The following PROCR variants were observed in gnomAD, a reference collection of about 807,000 sequenced individuals.
PROCR encodes endothelial protein C receptor.
In PROCR, 22 loss-of-function variants were observed where a neutral mutation model predicts 24.2. The ratio of observed to expected loss-of-function variants is 0.91; its 90% confidence interval spans 0.65 to 1.30. PROCR has a LOEUF of 1.30. Among genes scored for constraint, PROCR ranks in the 50% most tolerant of loss-of-function variants. The pLI is 0.00. For missense variants in PROCR, 288 were observed against 307.7 expected, an observed-to-expected ratio of 0.94 and a Z score of 0.48; for synonymous variants, 137 against 139.2, an observed-to-expected ratio of 0.98 and a Z score of 0.11.
chr20:35,212,061 T>G (rs759316384), intron 1 of PROCR, among the ~76,000 whole-genome samples: 16 of 151,890 alleles, frequency 1.1e-4, no homozygotes, highest in Non-Finnish European at 2.2e-4. Context: ...TTAATAAAAC[T>G]ATGTGCAAGA....
intron 1 of PROCR, among the ~76,000 whole-genome samples, chr20:35,214,098 A>T (rs1246924314): frequency 4.0e-5 from 6 of 151,698 alleles, no homozygotes; most frequent in African/African-American, 1.2e-4. Context: ...AAAATAATTA[A>T]AAAAAATTAA....
At chr20:35,207,819 C>T (rs917861347) in intron 1 of PROCR, among the ~76,000 whole-genome samples, 16 of 152,046 alleles carry the variant, frequency 1.1e-4, no homozygotes, top group Non-Finnish European at 2.1e-4. Context: ...TGTGAGCCAC[C>T]ACGCCCGGTC....
chr20:35,176,689 G>A lies in PROCR; in HGVS notation c.602-9G>A. 1 of 1,603,720 alleles carries A rather than the reference G, an allele frequency of 6.2e-7. No homozygotes were observed. The highest frequency in any genetic ancestry group is 8.5e-7 in the Non-Finnish European group (1 of 1,174,862). Reference sequence around the variant, plus strand: ...TATTCTTCGGGCTAACTCTTTGCATGTTCTGCAGGGAGCCAAACAAGCCGC... The same window carrying A: ...TATTCTTCGGGCTAACTCTTTGCATATTCTGCAGGGAGCCAAACAAGCCGC... On this transcript the variant is annotated splice_polypyrimidine_tract_variant and intron_variant, in intron 3 of 3. Transcript: ENST00000216968.
rs758033850 is a variant in PROCR, at chr20:35,176,392, G to C, written c.547G>C (p.Glu183Gln). The C allele has an allele frequency of 3.1e-6, 5 of 1,614,082 alleles. No homozygotes were observed. Among genetic ancestry groups the C allele is most frequent in the Admixed American group, 1.7e-5 (1 of 59,988 alleles). Residue 183 changes from glutamate to glutamine, a missense_variant, in exon 3 of 4, where the codon GAG becomes CAG. Coordinates refer to ENST00000216968, the MANE Select transcript of PROCR (RefSeq NM_006404.5). ...RTRYELREFL[E>Q]DTCVQYVQKH... ...TCGGTATGAACTGCGGGAATTCCTG[G>C]AGGACACCTGTGTGCAGTATGTGCA...
downstream of PROCR, among the ~76,000 whole-genome samples, chr20:35,182,052 G>A (rs2086083254): frequency 6.6e-6 from 1 of 152,206 alleles, no homozygotes; most frequent in Admixed American, 6.5e-5. Context: ...ATCCTGAGTG[G>A]AAGCAGCCAA....
intron 1 of PROCR, chr20:35,174,421 G>T (rs1038907738): frequency 1.0e-5 from 5 of 495,484 alleles, no homozygotes; most frequent in Non-Finnish European, 1.5e-5. Flanking sequence ...AACAGGAAAC[G>T]GGGGGAGGGA....
At chr20:35,195,671 A>C (rs1198791329) in intron 1 of PROCR, among the ~76,000 whole-genome samples, 1 of 151,798 alleles carries the variant, frequency 6.6e-6, no homozygotes, top group African/African-American at 2.4e-5. Flanking sequence ...AAACACAAAA[A>C]TTAGCCAGGT....
chr20:35,177,062 G>A lies in PROCR; in HGVS notation c.*249G>A. On this transcript the variant is annotated 3_prime_UTR_variant, in exon 4 of 4. Coordinates refer to ENST00000216968, the MANE Select transcript of PROCR (RefSeq NM_006404.5). ...TGCTGAATTAGTCTGATAAGTGAAT[G>A]TTTATCTATCTTTGTGGAAAACAGA... is the stretch of plus-strand genomic sequence containing the variant. The A allele has an allele frequency of 7.7e-7, 1 of 1,293,712 alleles. No homozygotes were observed. Among genetic ancestry groups the A allele is most frequent in the Non-Finnish European group, 9.9e-7 (1 of 1,010,786 alleles). 80.1% of individuals were successfully genotyped at this position (1,293,712 alleles called of 1,614,324 possible).
intron 1 of PROCR, among the ~76,000 whole-genome samples, chr20:35,208,118 C>T (rs1182240208): frequency 6.6e-6 from 1 of 151,990 alleles, no homozygotes; most frequent in Non-Finnish European, 1.5e-5. Flanking sequence ...AAGGAAAAGC[C>T]GGCAGCACAG....
chr20:35,188,658 G>A (rs2086147226), intron 1 of PROCR, among the ~76,000 whole-genome samples: 1 of 152,176 alleles, frequency 6.6e-6, no homozygotes, highest in African/African-American at 2.4e-5. Context: ...ATGCTAAATG[G>A]TCTGATGTGG....
downstream of PROCR, among the ~76,000 whole-genome samples, chr20:35,182,211 G>A (rs2086084511): frequency 6.6e-6 from 1 of 152,210 alleles, no homozygotes. Context: ...CAGATGCTGG[G>A]CAACCAAAAC....
chr20:35,213,320 G>A (rs1405954689), intron 1 of PROCR, among the ~76,000 whole-genome samples: 3 of 151,348 alleles, frequency 2.0e-5, no homozygotes, highest in East Asian at 1.9e-4. Flanking sequence ...GTAACGGAGC[G>A]AGACTGTCTC....
chr20:35,208,834 T>C (rs182399942), intron 1 of PROCR, among the ~76,000 whole-genome samples: 36 of 152,214 alleles, frequency 2.4e-4, no homozygotes, highest in Middle Eastern at 6.8e-3. Context: ...TAGCCGGGCA[T>C]GGTGGCACGC....
intron 1 of PROCR, among the ~76,000 whole-genome samples, chr20:35,188,000 T>C (rs2086142656): frequency 6.6e-6 from 1 of 152,144 alleles, no homozygotes; most frequent in Admixed American, 6.5e-5. Flanking sequence ...AATAAACAAA[T>C]CTGAAATAAA....
downstream of PROCR, among the ~76,000 whole-genome samples, chr20:35,178,492 C>T (rs2086045048): frequency 9.3e-6 from 1 of 107,604 alleles, no homozygotes; most frequent in Non-Finnish European, 1.8e-5. Flanking sequence ...AGAAATTTAA[C>T]TTCTTCAAGT....
intron 1 of PROCR, among the ~76,000 whole-genome samples, chr20:35,191,711 G>A (rs997063946): frequency 6.6e-6 from 1 of 152,174 alleles, no homozygotes. Context: ...GAACAAGGAG[G>A]CCAGTTTATC....
rs1298497971 is a variant in PROCR, at chr20:35,176,540, G to A, written c.601+94G>A. On this transcript the variant is annotated intron_variant, in intron 3 of 3. Transcript: ENST00000216968. ...GAAGGATGGATGCCTAGAGCAACAA[G>A]AGGCCCACAGCTGGGGGTTTGGGAC... 3 of 1,599,944 alleles carry A rather than the reference G, an allele frequency of 1.9e-6. No individual in the cohort carries two copies. In the African/African-American group the frequency reaches 4.0e-5, roughly 21 times the overall value.
downstream of PROCR, among the ~76,000 whole-genome samples, chr20:35,177,999 T>C (rs1458129601): frequency 6.6e-6 from 1 of 152,230 alleles, no homozygotes; most frequent in African/African-American, 2.4e-5. Context: ...TGGTTCCTTT[T>C]GTTCCTGTTT....
At chr20:35,171,156 C>T (rs2146137927), upstream of PROCR, among the ~76,000 whole-genome samples, 1 of 152,284 alleles carries the variant, frequency 6.6e-6, no homozygotes, top group Non-Finnish European at 1.5e-5. Flanking sequence ...CCACCTCGGC[C>T]TCCCAAAGTG....
Sources: allele counts gnomAD v4.1 joint callset (sites outside exome capture counted in the v4.1 genomes callset), GRCh38; gene constraint gnomAD v4.1.1; transcripts MANE v1.5; gene names NCBI Gene and HGNC (gene_info 2026-07-23, HGNC 2026-07-21).